NXPH1: variants seen among roughly 807,000 people sequenced by gnomAD.
The protein encoded by NXPH1 is neurexophilin-1.
Under a neutral mutation model 23.7 loss-of-function variants are expected in NXPH1, and 5 were observed. The observed-to-expected ratio is 0.21, with a 90% CI of 0.11 to 0.44. The LOEUF (loss-of-function observed/expected upper bound fraction) is 0.44. Ranked by LOEUF, NXPH1 falls within the 20% of genes least tolerant of loss-of-function variation. The probability of loss-of-function intolerance (pLI) is 0.99; values close to 1 mark genes in which losing one functional copy is unlikely to be tolerated. For missense variants in NXPH1, 324 were observed against 321.6 expected (o/e 1.01, Z -0.06); for synonymous variants, 144 against 122.2 (o/e 1.18, Z -1.18).
At chr7:8,517,344 T>C (rs960539339) in intron 2 of NXPH1, among the ~76,000 whole-genome samples, 3 of 151,806 alleles carry the variant, frequency 2.0e-5, no homozygotes, top group Non-Finnish European at 4.4e-5. Context: ...GAGAAGAGGA[T>C]TGTAGGCATG....
chr7:8,723,905 G>C (rs1238853402), intron 2 of NXPH1, among the ~76,000 whole-genome samples: 1 of 152,184 alleles, frequency 6.6e-6, no homozygotes, highest in Non-Finnish European at 1.5e-5. Flanking sequence ...AGACTAAAGG[G>C]AAAAGTAGCC....
intron 2 of NXPH1, among the ~76,000 whole-genome samples, chr7:8,716,788 T>A (rs1259842490): frequency 1.3e-5 from 2 of 152,332 alleles, no homozygotes; most frequent in African/African-American, 2.4e-5. Context: ...TAAAAACTTA[T>A]GTACTAGTTG....
At chr7:8,740,873 C>T (rs565758690) in intron 2 of NXPH1, among the ~76,000 whole-genome samples, 1 of 152,262 alleles carries the variant, frequency 6.6e-6, no homozygotes, top group Non-Finnish European at 1.5e-5. Context: ...ATATCCATTA[C>T]CTCACATAGT....
At chr7:8,714,820 T>A (rs1178669817) in intron 2 of NXPH1, among the ~76,000 whole-genome samples, 1 of 152,094 alleles carries the variant, frequency 6.6e-6, no homozygotes, top group Non-Finnish European at 1.5e-5. Flanking sequence ...CCAAGTTGCA[T>A]GACAAAGTCC....
intron 2 of NXPH1, among the ~76,000 whole-genome samples, chr7:8,498,862 A>G (rs1007336331): frequency 4.6e-5 from 7 of 152,058 alleles, no homozygotes; most frequent in African/African-American, 1.7e-4. Flanking sequence ...AATAGAATGT[A>G]GGTTAGAGTT....
chr7:8,674,246 T>C (rs1316492678), intron 2 of NXPH1, among the ~76,000 whole-genome samples: 1 of 151,786 alleles, frequency 6.6e-6, no homozygotes, highest in Non-Finnish European at 1.5e-5. Context: ...AAGGCAGATA[T>C]TAATAGTTCT....
chr7:8,749,993 G>A (rs1227197616), intron 2 of NXPH1, among the ~76,000 whole-genome samples: 1 of 152,186 alleles, frequency 6.6e-6, no homozygotes, highest in South Asian at 2.1e-4. Flanking sequence ...GGTCCTAGGA[G>A]AACAGTGTCT....
chr7:8,485,871 A>C (rs532665766), intron 2 of NXPH1, among the ~76,000 whole-genome samples: 1 of 152,296 alleles, frequency 6.6e-6, no homozygotes, highest in African/African-American at 2.4e-5. Context: ...ATAAACTTAA[A>C]TCAATGTCAT....
intron 2 of NXPH1, among the ~76,000 whole-genome samples, chr7:8,729,569 C>G (rs1340187080): frequency 7.8e-6 from 1 of 127,892 alleles, no homozygotes; most frequent in Non-Finnish European, 1.6e-5. Flanking sequence ...CAAAGAACAT[C>G]TTTATTTCTG....
At chr7:8,743,005 G>A (rs780374271) in intron 2 of NXPH1, among the ~76,000 whole-genome samples, 8 of 152,014 alleles carry the variant, frequency 5.3e-5, no homozygotes, top group Non-Finnish European at 1.2e-4. Context: ...AATGCCATAT[G>A]TAAAGTGCTA....
chr7:8,564,239 A>G (rs1438109673), intron 2 of NXPH1, among the ~76,000 whole-genome samples: 1 of 151,818 alleles, frequency 6.6e-6, no homozygotes, highest in African/African-American at 2.4e-5. Context: ...TCCTATAGCA[A>G]AACAGATTCA....
intron 2 of NXPH1, among the ~76,000 whole-genome samples, chr7:8,531,379 A>C (rs1817946804): frequency 6.6e-6 from 1 of 152,208 alleles, no homozygotes; most frequent in Non-Finnish European, 1.5e-5. Flanking sequence ...ATGAAGCAAC[A>C]GTTTTTACAT....
rs183744514 is a variant in NXPH1, at chr7:8,524,908, G to A, written c.54+89141G>A. 2.2e-3 allele frequency among the ~76,000 whole-genome samples: 328 copies of A among 152,274 alleles called. 1 individual carries two copies. The highest frequency in any genetic ancestry group is 7.1e-3 in the Admixed American group (108 of 15,304). On this transcript the variant is annotated intron_variant, in intron 2 of 2. Transcript: ENST00000405863. ...CCCAGTCTCAGATATGTCTTTATCA[G>A]CAGTGTGAAAATAGACTAATACAGT...
Position 8,752,120 on chromosome 7 carries a change from A to G in NXPH1, c.*351A>G, listed in dbSNP as rs1780575713. 4.9e-6 allele frequency: 1 copy of G among 205,098 alleles called. No individual in the cohort carries two copies. Among genetic ancestry groups the G allele is most frequent in the Admixed American group, 5.1e-5 (1 of 19,494 alleles). The allele number at this position is 205,098 out of a possible 1,614,324, so 12.7% of individuals were successfully genotyped here. A position where few individuals can be genotyped will look rare whatever the true frequency, so the allele number is the denominator to read the frequency against. The stretch of plus-strand genomic sequence containing the variant: ...GACTCATAATGGTTCAGGATCAACT[A>G]TCATCAAACGGAAGGATTAACTAGA... On this transcript the variant is annotated 3_prime_UTR_variant, in exon 3 of 3. Coordinates refer to ENST00000405863, the MANE Select transcript of NXPH1 (RefSeq NM_152745.3).
At chr7:8,661,782 A>T (rs1374111977) in intron 2 of NXPH1, among the ~76,000 whole-genome samples, 1 of 152,246 alleles carries the variant, frequency 6.6e-6, no homozygotes, top group African/African-American at 2.4e-5. Context: ...TTAACTTCTT[A>T]AATGAGGAGT....
intron 2 of NXPH1, among the ~76,000 whole-genome samples, chr7:8,625,649 A>C (rs1397337675): frequency 1.3e-5 from 2 of 152,084 alleles, no homozygotes; most frequent in Non-Finnish European, 2.9e-5. Flanking sequence ...ATGGGTCCCT[A>C]TTTCTCAGAA....
chr7:8,717,157 G>A lies in NXPH1; in HGVS notation c.55-33851G>A, dbSNP rs190785086. On this transcript the variant is annotated intron_variant, in intron 2 of 2. Coordinates refer to ENST00000405863, the MANE Select transcript of NXPH1 (RefSeq NM_152745.3). ...TTTCTTCCCTTAGTAGGTTTGCTAAGAAACATACACATATAACTTTGGAGA... is the reference window on the plus strand; with the variant it reads ...TTTCTTCCCTTAGTAGGTTTGCTAAAAAACATACACATATAACTTTGGAGA... 3.2e-4 allele frequency among the ~76,000 whole-genome samples: 49 copies of A among 152,206 alleles called. 1 individual carries two copies. In the East Asian group the frequency reaches 9.3e-3, roughly 29 times the overall value.
intron 2 of NXPH1, among the ~76,000 whole-genome samples, chr7:8,701,358 T>G (rs997972693): frequency 6.6e-6 from 1 of 152,086 alleles, no homozygotes; most frequent in African/African-American, 2.4e-5. Context: ...ACAAATTCTT[T>G]CATTCATTGG....
At chr7:8,692,428 G>T (rs1292355680) in intron 2 of NXPH1, among the ~76,000 whole-genome samples, 1 of 152,122 alleles carries the variant, frequency 6.6e-6, no homozygotes, top group Admixed American at 6.5e-5. Context: ...GTTTTGCTTT[G>T]TTGGATGTTT....
Sources: allele counts gnomAD v4.1 joint callset (sites outside exome capture counted in the v4.1 genomes callset), GRCh38; gene constraint gnomAD v4.1.1; transcripts MANE v1.5; gene names NCBI Gene and HGNC (gene_info 2026-07-23, HGNC 2026-07-21).